TIGAR: variants seen among roughly 807,000 people sequenced by gnomAD.
The protein encoded by TIGAR is TP53 induced glycolysis regulatory phosphatase, also known as fructose-2,6-bisphosphatase TIGAR.
Under a neutral mutation model 17.9 loss-of-function variants are expected in TIGAR, and 7 were observed. The ratio of observed to expected loss-of-function variants is 0.39; its 90% CI spans 0.22 to 0.73. The LOEUF is 0.73. TIGAR is among the 30% of genes least tolerant of loss of function. The probability of loss-of-function intolerance (pLI) is 0.42; values close to 1 mark genes in which losing one functional copy is unlikely to be tolerated. For synonymous variants in TIGAR, 94 were observed against 108.6 expected, an observed-to-expected ratio of 0.87 and a Z score of 0.84; for missense variants, 258 against 327.4, an observed-to-expected ratio of 0.79 and a Z score of 1.64.
intron 3 of TIGAR, among the ~76,000 whole-genome samples, chr12:4,340,854 T>G (rs1174021785): frequency 6.6e-6 from 1 of 152,176 alleles, no homozygotes; most frequent in African/African-American, 2.4e-5. Flanking sequence ...AGAATGAAAC[T>G]AGACCCCTGT....
rs761210837 is a variant in TIGAR at position 4,321,330 on chromosome 12, TTC to T, written c.32+37_32+38del. ...TGAGTATGGCTGTGGCAGGATGTCT[TTC>T]TCTCTCTCTTCCTTGAGTGTGTTGG... On this transcript the variant is annotated intron_variant, in intron 1 of 5. Coordinates refer to ENST00000179259, the MANE Select transcript of TIGAR (RefSeq NM_020375.3). The surrounding 1 kb of genome is among the most constrained non-coding windows in gnomAD (Gnocchi z 5.2). The T allele has an allele frequency of 1.2e-6, 2 of 1,600,074 alleles. No homozygotes were observed. Among genetic ancestry groups the T allele is most frequent in the Admixed American group, 1.7e-5 (1 of 59,992 alleles).
At chr12:4,324,329 T>C in intron 1 of TIGAR, 1 of 731,350 alleles carries the variant, frequency 1.4e-6, no homozygotes. Context: ...CTTCCTTTTT[T>C]TTTTTTTTTT....
At chr12:4,327,755 C>T (rs1276460549) in intron 1 of TIGAR, among the ~76,000 whole-genome samples, 1 of 152,154 alleles carries the variant, frequency 6.6e-6, no homozygotes, top group African/African-American at 2.4e-5. Context: ...GCAGCCTCCG[C>T]CTCCTGGGTT....
intron 1 of TIGAR, among the ~76,000 whole-genome samples, chr12:4,326,435 A>T (rs1864546845): frequency 6.6e-6 from 1 of 152,256 alleles, no homozygotes; most frequent in Non-Finnish European, 1.5e-5. Context: ...AAGCTGTACA[A>T]CTAAATATTT....
chr12:4,340,360 C>T (rs561582515), intron 3 of TIGAR, among the ~76,000 whole-genome samples: 23 of 152,162 alleles, frequency 1.5e-4, no homozygotes, highest in African/African-American at 5.1e-4. Flanking sequence ...AAGAGCTCCA[C>T]AAGGAAAACT....
At chr12:4,339,151 A>G (rs771532194) in intron 3 of TIGAR, among the ~76,000 whole-genome samples, 4 of 152,162 alleles carry the variant, frequency 2.6e-5, no homozygotes, top group Non-Finnish European at 5.9e-5. Flanking sequence ...TAAAATTGAC[A>G]GACCTTTAGG....
intron 2 of TIGAR, among the ~76,000 whole-genome samples, chr12:4,336,505 T>G (rs1046002554): frequency 3.8e-5 from 5 of 132,824 alleles, no homozygotes; most frequent in Non-Finnish European, 8.1e-5. Context: ...CTCACACACA[T>G]ACACCATTTA....
chr12:4,324,664 A>G, intron 1 of TIGAR: 11 of 1,200,116 alleles, frequency 9.2e-6, no homozygotes, highest in Non-Finnish European at 1.3e-5. Context: ...TTTCCGCCGC[A>G]GGCCCGGGTT....
rs931819597 is a variant in TIGAR at position 4,321,639 on chromosome 12, G to A, written c.32+336G>A. ...CAGACATGTCCACAGACTTGTCTGG[G>A]TACCGATTTTGCTCCCCAGCAGATT... On this transcript the variant is annotated intron_variant, in intron 1 of 5. Coordinates refer to ENST00000179259, the MANE Select transcript of TIGAR (RefSeq NM_020375.3). The surrounding 1 kb of genome is among the most constrained non-coding windows in gnomAD (Gnocchi z 5.2). Among the ~76,000 whole-genome samples, 3 of 152,172 alleles carry A rather than the reference G, an allele frequency of 2.0e-5. No individual in the cohort carries two copies. The highest frequency in any genetic ancestry group is 4.4e-5 in the Non-Finnish European group (3 of 68,036).
intron 3 of TIGAR, among the ~76,000 whole-genome samples, chr12:4,344,934 C>G (rs1864763575): frequency 6.6e-6 from 1 of 152,136 alleles, no homozygotes; most frequent in African/African-American, 2.4e-5. Context: ...GATACAAAAT[C>G]AATGTGCAAA....
intron 3 of TIGAR, among the ~76,000 whole-genome samples, chr12:4,347,681 GTA>G (rs748166298): frequency 3.9e-5 from 6 of 151,952 alleles, no homozygotes; most frequent in African/African-American, 7.3e-5. Flanking sequence ...TACATTTACT[GTA>G]TACCCACAAA....
chr12:4,341,394 G>A (rs1360924123), intron 3 of TIGAR, among the ~76,000 whole-genome samples: 1 of 152,164 alleles, frequency 6.6e-6, no homozygotes, highest in Non-Finnish European at 1.5e-5. Context: ...GAGAGTAGTC[G>A]TTCTCCCAGC....
chr12:4,340,706 C>CA (rs1864710229), intron 3 of TIGAR, among the ~76,000 whole-genome samples: 1 of 152,066 alleles, frequency 6.6e-6, no homozygotes, highest in Non-Finnish European at 1.5e-5. Context: ...ACACATAGAC[C>CA]AATAGACCAG....
rs534997747 is a variant in TIGAR, at chr12:4,343,929, A to G, written c.193-5890A>G. ...ACACAAAAAACCCTTCCAAAAATCA[A>G]TGAATCCAGGAGCTGGTTTTTTGAA... On this transcript the variant is annotated intron_variant, in intron 3 of 5. Transcript: ENST00000179259. Among the ~76,000 whole-genome samples, 346 of 152,330 alleles carry G rather than the reference A, an allele frequency of 2.3e-3. 4 individuals carry two copies. Among genetic ancestry groups the G allele is most frequent in the Non-Finnish European group, 3.6e-3 (243 of 68,022 alleles).
intron 1 of TIGAR, chr12:4,324,669 C>G (rs987158494): frequency 1.1e-5 from 13 of 1,148,566 alleles, no homozygotes; most frequent in Admixed American, 4.0e-5. Context: ...GCCGCAGGCC[C>G]GGGTTCACTT....
At chr12:4,333,543 C>T (rs1864626193) in intron 2 of TIGAR, among the ~76,000 whole-genome samples, 1 of 151,714 alleles carries the variant, frequency 6.6e-6, no homozygotes, top group Non-Finnish European at 1.5e-5. Flanking sequence ...GATCTCGGCT[C>T]CTGCAACCTC....
At chr12:4,347,474 A>G (rs1864793563) in intron 3 of TIGAR, among the ~76,000 whole-genome samples, 2 of 152,190 alleles carry the variant, frequency 1.3e-5, no homozygotes, top group Admixed American at 6.5e-5. Flanking sequence ...AATAAGACCT[A>G]GTATTTGATA....
At chr12:4,325,152 G>C (rs1452215627) in intron 1 of TIGAR, among the ~76,000 whole-genome samples, 1 of 151,950 alleles carries the variant, frequency 6.6e-6, no homozygotes, top group Non-Finnish European at 1.5e-5. Context: ...ATTTTGGTCA[G>C]GCTGGTCTCG....
Position 4,353,947 on chromosome 12 carries a change from A to T in TIGAR, c.*1256A>T, listed in dbSNP as rs1350081309. 1 of 152,628 alleles carries T rather than the reference A, an allele frequency of 6.6e-6. No homozygotes were observed. Among genetic ancestry groups the T allele is most frequent in the Non-Finnish European group, 1.5e-5 (1 of 68,046 alleles). 9.5% of individuals were successfully genotyped at this position (152,628 alleles called of 1,614,324 possible). On this transcript the variant is annotated 3_prime_UTR_variant, in exon 6 of 6. Coordinates refer to ENST00000179259, the MANE Select transcript of TIGAR (RefSeq NM_020375.3). ...GGTGAGGTTGCCTCTTCTTTCCACC[A>T]GATGGCACTGGAGAAAAGGGATTTT...
Sources: allele counts gnomAD v4.1 joint callset (sites outside exome capture counted in the v4.1 genomes callset), GRCh38; gene constraint gnomAD v4.1.1; non-coding constraint Gnocchi (gnomAD v3.1); transcripts MANE v1.5; gene names NCBI Gene and HGNC (gene_info 2026-07-23, HGNC 2026-07-21).